The following AP1G1 variants were observed in gnomAD, a reference collection of about 807,000 sequenced individuals.
AP1G1 encodes the protein adaptor related protein complex 1 subunit gamma 1.
A neutral mutation model predicts 108.3 loss-of-function variants in AP1G1; 7 were observed. That is an observed-to-expected ratio of 0.06 (90% CI 0.04 to 0.12). The LOEUF (loss-of-function observed/expected upper bound fraction) is 0.12. Among genes scored for constraint, AP1G1 ranks in the 10% least tolerant of loss-of-function variants. AP1G1 has a pLI of 1.00. For synonymous variants in AP1G1, 379 were observed against 353.5 expected (o/e 1.07, Z -0.81); for missense variants, 756 against 1,010.7 (o/e 0.75, Z 3.42).
chr16:71,746,800 CATT>C (rs2030205150), intron 16 of AP1G1, 108 bp from the exon 17 acceptor site: 1 of 711,016 alleles, frequency 1.4e-6, no homozygotes. Context: ...CTGAAATACT[CATT>C]TTTTCTTAAT....
chr16:71,742,167 A>G (rs1046757954), intron 19 of AP1G1: 3 of 152,142 alleles, frequency 2.0e-5, no homozygotes, highest in African/African-American at 7.2e-5. Context: ...ACACTAGGAA[A>G]ACAAGACAGT....
intron 1 of AP1G1, among the ~76,000 whole-genome samples, chr16:71,801,830 G>A (rs1225562489): frequency 1.3e-5 from 2 of 151,350 alleles, no homozygotes; most frequent in African/African-American, 4.9e-5. Flanking sequence ...ACTGAGGCAG[G>A]AGAATGGCAT....
rs138674773 is a variant in AP1G1 at position 71,803,177 on chromosome 16, G to C, written c.-4+5586C>G. On this transcript the variant is annotated intron_variant, in intron 1 of 22. Transcript: ENST00000299980. ...TGTAGTAAGCTGAGATGGCACCACTGCACTCCAGCCTGGGTGACAGAGTGA... is the reference window on the plus strand; with the variant it reads ...TGTAGTAAGCTGAGATGGCACCACTCCACTCCAGCCTGGGTGACAGAGTGA... 7.0e-3 allele frequency among the ~76,000 whole-genome samples: 1,071 copies of C among 152,124 alleles called. 16 individuals are homozygous for C. Among genetic ancestry groups the C allele is most frequent in the African/African-American group, 0.025 (1,021 of 41,484 alleles).
rs533890576 is a variant in AP1G1 at position 71,783,416 on chromosome 16, A to G, written c.201+5863T>C. On this transcript the variant is annotated intron_variant, in intron 2 of 22. Coordinates refer to ENST00000299980, the MANE Select transcript of AP1G1 (RefSeq NM_001128.6). ...AAATCAATTATATCACTACAGATCT[A>G]CAACATAATTATTTAAAATTTTAAA... 2.6e-5 allele frequency among the ~76,000 whole-genome samples: 4 copies of G among 152,346 alleles called. No individual in the cohort carries two copies. The East Asian group carries it at 5.8e-4, about 22-fold the overall frequency.
chr16:71,758,733 C>T (rs778784491), intron 11 of AP1G1, 75 bp downstream of exon 11: 47 of 806,004 alleles, frequency 5.8e-5, no homozygotes, highest in Middle Eastern at 4.6e-4. Flanking sequence ...CACATGGCAG[C>T]GGCATAGAGC....
chr16:71,795,281 T>C (rs2032546344), intron 1 of AP1G1, among the ~76,000 whole-genome samples: 2 of 152,200 alleles, frequency 1.3e-5, no homozygotes, highest in East Asian at 3.8e-4. Context: ...GCTCTAAATC[T>C]AAAAACAAAA....
chr16:71,769,839 T>C (rs943303262), intron 5 of AP1G1, 140 bp from the exon 6 acceptor site: 2 of 622,242 alleles, frequency 3.2e-6, no homozygotes, highest in Non-Finnish European at 2.9e-6. Context: ...ATCTAAGCAT[T>C]GAAGTGAATA....
At chr16:71,776,859 C>T (rs1208159236) in intron 2 of AP1G1, among the ~76,000 whole-genome samples, 1 of 151,966 alleles carries the variant, frequency 6.6e-6, no homozygotes, top group African/African-American at 2.4e-5. Context: ...CCTGTAATCC[C>T]AGCACTTTGG....
At chr16:71,800,138 G>C (rs1343235918) in intron 1 of AP1G1, among the ~76,000 whole-genome samples, 1 of 151,106 alleles carries the variant, frequency 6.6e-6, no homozygotes, top group Non-Finnish European at 1.5e-5. Flanking sequence ...GCCGAGGCAG[G>C]TGGATCACGA....
chr16:71,749,371 T>C (rs1327842690), intron 15 of AP1G1, among the ~76,000 whole-genome samples: 1 of 151,766 alleles, frequency 6.6e-6, no homozygotes, highest in Non-Finnish European at 1.5e-5. Context: ...TAGTCCCAGC[T>C]ACTCAGGAGG....
At chr16:71,740,150 T>G (rs1192735258) in intron 19 of AP1G1, among the ~76,000 whole-genome samples, 1 of 152,210 alleles carries the variant, frequency 6.6e-6, no homozygotes, top group Non-Finnish European at 1.5e-5. Flanking sequence ...TTGGCAACAG[T>G]AGAGTTGAAC....
At chr16:71,747,618 C>G (rs118062994) in intron 16 of AP1G1, among the ~76,000 whole-genome samples, 2 of 151,364 alleles carry the variant, frequency 1.3e-5, no homozygotes, top group African/African-American at 4.9e-5. Context: ...TAAACCAAAA[C>G]CTTTATATGG....
intron 1 of AP1G1, among the ~76,000 whole-genome samples, chr16:71,801,497 G>A (rs1597093156): frequency 6.6e-6 from 1 of 152,086 alleles, no homozygotes; most frequent in East Asian, 1.9e-4. Flanking sequence ...TAAAATTTGG[G>A]GTTAAAATTA....
chr16:71,762,501 C>T (rs28436203), intron 9 of AP1G1, among the ~76,000 whole-genome samples: 5,715 of 152,196 alleles, frequency 0.038, 359 homozygotes, highest in African/African-American at 0.13. Flanking sequence ...AGTCTCATCC[C>T]CCAACCTTGG....
intron 13 of AP1G1, among the ~76,000 whole-genome samples, chr16:71,753,160 C>A (rs1045745866): frequency 6.6e-6 from 1 of 152,116 alleles, no homozygotes; most frequent in Admixed American, 6.6e-5. Context: ...CATGTCACTG[C>A]ACTTTCATTT....
intron 13 of AP1G1, among the ~76,000 whole-genome samples, chr16:71,750,972 C>T (rs368598970): frequency 1.2e-4 from 18 of 151,236 alleles, no homozygotes; most frequent in East Asian, 9.9e-4. Flanking sequence ...CTGGCTAACA[C>T]GATGAAACCC....
intron 1 of AP1G1, among the ~76,000 whole-genome samples, chr16:71,802,692 T>G (rs1030318329): frequency 1.3e-5 from 2 of 151,760 alleles, no homozygotes; most frequent in Admixed American, 6.6e-5. Flanking sequence ...ATCGCACCAC[T>G]GCACTCCAGC....
intron 2 of AP1G1, among the ~76,000 whole-genome samples, chr16:71,780,924 C>A (rs2031990293): frequency 6.6e-6 from 1 of 151,884 alleles, no homozygotes; most frequent in African/African-American, 2.4e-5. Context: ...CTCAGGCCAT[C>A]CGCCTGCCTC....
intron 1 of AP1G1, among the ~76,000 whole-genome samples, chr16:71,801,605 T>C (rs2032802792): frequency 6.6e-6 from 1 of 152,058 alleles, no homozygotes; most frequent in Non-Finnish European, 1.5e-5. Flanking sequence ...CCTGACATTT[T>C]TTGATTGTTG....
Sources: allele counts gnomAD v4.1 joint callset (sites outside exome capture counted in the v4.1 genomes callset), GRCh38; gene constraint gnomAD v4.1.1; transcripts MANE v1.5; gene names NCBI Gene and HGNC (gene_info 2026-07-23, HGNC 2026-07-21).